Variants in MROH2A observed in about 807,000 individuals in gnomAD.
MROH2A encodes maestro heat-like repeat-containing protein family member 2A.
In MROH2A, 174 loss-of-function variants were observed where a neutral mutation model predicts 200.4. That is an observed-to-expected ratio of 0.87 (90% CI 0.77 to 0.98). The LOEUF (loss-of-function observed/expected upper bound fraction) is 0.98, where lower values mean the gene tolerates loss of function less well. Among genes scored for constraint, MROH2A ranks in the 50% least tolerant of loss-of-function variants. MROH2A has a pLI of 0.00. For synonymous variants in MROH2A, 829 were observed against 840.4 expected (o/e 0.99, Z 0.23); for missense variants, 2,045 against 2,139.6 (o/e 0.96, Z 0.87).
intron 1 of MROH2A, among the ~76,000 whole-genome samples, chr2:233,778,707 T>C (rs751076059): frequency 2.0e-5 from 3 of 152,368 alleles, no homozygotes; most frequent in South Asian, 2.1e-4. Context: ...TTATGAGAGA[T>C]ACTGATATGA....
intron 3 of MROH2A, among the ~76,000 whole-genome samples, chr2:233,788,525 T>C (rs1397664289): frequency 6.6e-6 from 1 of 152,026 alleles, no homozygotes; most frequent in African/African-American, 2.4e-5. Flanking sequence ...GGTCCCCAAA[T>C]TTGCTAAGGA....
intron 35 of MROH2A, among the ~76,000 whole-genome samples, chr2:233,827,281 T>C (rs545858397): frequency 1.4e-3 from 206 of 152,346 alleles, no homozygotes; most frequent in African/African-American, 4.8e-3. Context: ...TGTATGTTCA[T>C]TGTAGCACTA....
At chr2:233,832,419 T>C in intron 40 of MROH2A, 140 bp downstream of exon 40, 1 of 949,362 alleles carries the variant, frequency 1.1e-6, no homozygotes. Context: ...CCCTGCACTG[T>C]GCTTTCTATC....
intron 31 of MROH2A, among the ~76,000 whole-genome samples, chr2:233,821,363 C>T (rs1290353094): frequency 6.7e-6 from 1 of 149,904 alleles, no homozygotes; most frequent in Non-Finnish European, 1.5e-5. Context: ...CACTCTGCCC[C>T]CTCTCCATTT....
intron 18 of MROH2A, 148 bp from the exon 19 acceptor site, chr2:233,804,856 A>T: frequency 1.7e-6 from 1 of 603,572 alleles, no homozygotes; most frequent in Non-Finnish European, 2.9e-6. Flanking sequence ...TGGATCAGGG[A>T]TCTATGGACT....
rs1273085217 is a variant in MROH2A at position 233,829,043 on chromosome 2, T to A, written c.4417T>A (p.Ser1473Thr). 2 of 1,545,772 alleles carry A rather than the reference T, an allele frequency of 1.3e-6. No homozygotes were observed. The highest frequency in any genetic ancestry group is 4.0e-5 in the Admixed American group (2 of 50,484). ...GDVGSSFDAM[S>T]EQCRIFFDNE... Reference sequence around the variant, plus strand: ...TGTGGGGTCCTCTTTCGACGCCATGTCTGAGCAGTGCAGGATCTTCTTCGA... The same window carrying A: ...TGTGGGGTCCTCTTTCGACGCCATGACTGAGCAGTGCAGGATCTTCTTCGA... Residue 1473 changes from serine (S) to threonine (T), a missense_variant, in exon 37 of 42, where the codon TCT (serine) becomes ACT (threonine). Physicochemically the swap from Ser to Thr is moderately conservative, Grantham distance 58 (BLOSUM62 1). Transcript: ENST00000389758.
At position 233,787,811 on chromosome 2, in the gene MROH2A, TTATATATAA is replaced by T. The variant is rs1464329133; in HGVS notation, c.277-1678_277-1670del. Among the ~76,000 whole-genome samples, 2 of 5,332 alleles carry T rather than the reference TTATATATAA, an allele frequency of 3.8e-4. 1 individual carries two copies. The highest frequency in any genetic ancestry group is 0.032 in the East Asian group (2 of 62). The allele number at this position is 5,332 out of a possible 152,430, so 3.5% of individuals were successfully genotyped here. A position where few individuals can be genotyped will look rare whatever the true frequency, so the allele number is the denominator to read the frequency against. On this transcript the variant is annotated intron_variant, in intron 3 of 41. Coordinates refer to ENST00000389758, the MANE Select transcript of MROH2A (RefSeq NM_001394639.1). Reference sequence around the variant, plus strand: ...TCATATATAATATATATTATATATATTATATATAATATATATTATATATACATATATATT... The same window carrying T: ...TCATATATAATATATATTATATATATTATATATTATATATACATATATATT...
rs80354574 is a variant in MROH2A, at chr2:233,786,846, G to C, written c.277-2651G>C. Among the ~76,000 whole-genome samples the C allele has an allele frequency of 7.5e-3, 1,141 of 152,238 alleles. 11 individuals are homozygous for C. The highest frequency in any genetic ancestry group is 0.026 in the African/African-American group (1,077 of 41,512). On this transcript the variant is annotated intron_variant, in intron 3 of 41. Coordinates refer to ENST00000389758, the MANE Select transcript of MROH2A (RefSeq NM_001394639.1). ...AAAGATTTTATTTTCTCCTTAACTAGTTAAGGAACTAGTAAGATGTTAAAA... is the reference window on the plus strand; with the variant it reads ...AAAGATTTTATTTTCTCCTTAACTACTTAAGGAACTAGTAAGATGTTAAAA...
intron 17 of MROH2A, 117 bp from the exon 18 acceptor site, chr2:233,804,378 G>A: frequency 7.5e-7 from 1 of 1,327,952 alleles, no homozygotes. Flanking sequence ...CGTGTGATGT[G>A]TTCATCCATG....
intron 22 of MROH2A, 49 bp downstream of exon 22, chr2:233,809,327 GGTA>G: frequency 5.2e-6 from 8 of 1,527,300 alleles, no homozygotes; most frequent in Non-Finnish European, 7.1e-6. Flanking sequence ...CAGGCTGGTG[GGTA>G]GTAGCCTTCT....
chr2:233,801,329 G>C (rs1488851135), intron 14 of MROH2A, among the ~76,000 whole-genome samples: 1 of 151,836 alleles, frequency 6.6e-6, no homozygotes, highest in Non-Finnish European at 1.5e-5. Flanking sequence ...TGGGGGTGGG[G>C]TGGAGAGGGA....
chr2:233,831,233 T>C (rs2124932017), intron 38 of MROH2A, among the ~76,000 whole-genome samples, 176 bp from the exon 39 acceptor site: 1 of 152,340 alleles, frequency 6.6e-6, no homozygotes, highest in Admixed American at 6.5e-5. Flanking sequence ...CCTGCAGCCA[T>C]GTTCAAGCTG....
Position 233,822,173 on chromosome 2 carries a change from C to T in MROH2A, c.3562C>T (p.Arg1188Trp), listed in dbSNP as rs577027731. Residue 1188 changes from arginine (R) to tryptophan (W), a missense_variant, in exon 32 of 42, where the codon CGG becomes TGG. Around this residue, in one of 3 missense-constraint regions of MROH2A, gnomAD observed 1,201 missense variants for 1,311.3 expected, o/e 0.92. Transcript: ENST00000389758. The part of the protein sequence containing the change: ...LAVSENVPFA[R>W]TMLHSLMGRL... ...AGTGTCGGAGAACGTGCCCTTCGCCCGGACCATGCTCCACAGCCTGATGGG... is the reference window on the plus strand; with the variant it reads ...AGTGTCGGAGAACGTGCCCTTCGCCTGGACCATGCTCCACAGCCTGATGGG... 2.8e-5 allele frequency: 44 copies of T among 1,549,868 alleles called. No homozygotes were observed. In the Middle Eastern group the frequency reaches 5.0e-4, roughly 18 times the overall value.
chr2:233,786,545 T>C (rs1439260345), intron 3 of MROH2A, among the ~76,000 whole-genome samples: 1 of 152,192 alleles, frequency 6.6e-6, no homozygotes, highest in African/African-American at 2.4e-5. Flanking sequence ...CACTGGGGGT[T>C]AGGGCTTCAA....
In MROH2A at chr2:233,819,919, T is replaced by G; in HGVS notation, c.3375T>G (p.Ser1125Arg). 6.6e-7 allele frequency: 1 copy of G among 1,523,454 alleles called. No homozygotes were observed. Among genetic ancestry groups the G allele is most frequent in the Non-Finnish European group, 8.9e-7 (1 of 1,128,848 alleles). The allele number at this position is 1,523,454 out of a possible 1,614,324, so 94.4% of individuals were successfully genotyped here. ...ELEDKVAEIL[S>R]AILVHLPVVD... ...CTACCTAGGTGGCCGAGATCCTGAG[T>G]GCCATCCTGGTGCACCTGCCGGTGG... is the stretch of plus-strand genomic sequence containing the variant. The change falls in exon 31 of 42, where the codon AGT (serine) becomes AGG (arginine). Residue 1125 changes from serine to arginine, a missense_variant. Coordinates refer to ENST00000389758, the MANE Select transcript of MROH2A (RefSeq NM_001394639.1).
chr2:233,780,849 T>A (rs1700922977), intron 3 of MROH2A, among the ~76,000 whole-genome samples: 1 of 152,186 alleles, frequency 6.6e-6, no homozygotes, highest in South Asian at 2.1e-4. Context: ...TCTCCAGCTG[T>A]AATTTTGTAT....
In MROH2A at chr2:233,828,712, A is replaced by T; in HGVS notation, c.4196A>T (p.Glu1399Val). Residue 1399 changes from glutamate (E) to valine (V), a missense_variant, in exon 36 of 42, where the codon GAA (glutamate) becomes GTA (valine). By Grantham distance (121) the Glu-to-Val change is moderately radical (BLOSUM62 -2). Around this residue, in one of 3 missense-constraint regions of MROH2A, gnomAD observed 1,201 missense variants for 1,311.3 expected, o/e 0.92. Transcript: ENST00000389758. The surrounding 1 kb of genome is among the most constrained non-coding windows in gnomAD (Gnocchi z 4.6). ...CTGGAGAAGGGTGCCGACCAGGAGG[A>T]AGACGAGGCCCTGCGGGTGCTGTCC... ...LLLEKGADQE[E>V]DEALRVLSLR... 6.4e-7 allele frequency: 1 copy of T among 1,550,678 alleles called. No homozygotes were observed. The highest frequency in any genetic ancestry group is 8.7e-7 in the Non-Finnish European group (1 of 1,147,014).
At chr2:233,806,820 G>T (rs921890691) in intron 19 of MROH2A, among the ~76,000 whole-genome samples, 15 of 151,936 alleles carry the variant, frequency 9.9e-5, no homozygotes, top group Admixed American at 3.3e-4. Flanking sequence ...ATTTCCATAG[G>T]TTTTTGGGGA....
Position 233,827,099 on chromosome 2 carries a change from T to C in MROH2A, c.4114-1531T>C, listed in dbSNP as rs556236195. ...AGATGCTGGCAAGGTTGCAGAGAAA[T>C]AGGAACACTTTTACACTGTTGGTGG... On this transcript the variant is annotated intron_variant, in intron 35 of 41. Coordinates refer to ENST00000389758, the MANE Select transcript of MROH2A (RefSeq NM_001394639.1). 2.6e-5 allele frequency among the ~76,000 whole-genome samples: 4 copies of C among 152,236 alleles called. No homozygotes were observed. The South Asian group carries it at 8.3e-4, about 32-fold the overall frequency.
Sources: allele counts gnomAD v4.1 joint callset (sites outside exome capture counted in the v4.1 genomes callset), GRCh38; gene constraint gnomAD v4.1.1; regional missense constraint gnomAD v4.1.1; non-coding constraint Gnocchi (gnomAD v3.1); transcripts MANE v1.5; gene names NCBI Gene and HGNC (gene_info 2026-07-23, HGNC 2026-07-21).